The following TAFA2 variants were observed in gnomAD, a reference collection of about 807,000 sequenced individuals.
TAFA2 encodes chemokine-like protein TAFA-2.
In TAFA2, 7 loss-of-function variants were observed where a neutral mutation model predicts 18.8. The ratio of observed to expected loss-of-function variants is 0.37; its 90% CI spans 0.21 to 0.70. TAFA2 has a LOEUF of 0.70. Among genes scored for constraint, TAFA2 ranks in the 30% least tolerant of loss-of-function variants. The pLI, the probability that TAFA2 is intolerant of heterozygous loss-of-function variation, is 0.53. For missense variants in TAFA2, 122 were observed against 158.1 expected (o/e 0.77, Z 1.23); for synonymous variants, 60 against 54.2 (o/e 1.11, Z -0.47).
intron 1 of TAFA2, among the ~76,000 whole-genome samples, chr12:61,944,898 C>T (rs1164235672): frequency 2.0e-5 from 2 of 100,202 alleles, no homozygotes; most frequent in African/African-American, 8.6e-5. Context: ...TGGTACCATT[C>T]CTTCTGAAAC....
At chr12:61,875,961 A>G (rs1469685017) in intron 1 of TAFA2, among the ~76,000 whole-genome samples, 2 of 152,176 alleles carry the variant, frequency 1.3e-5, no homozygotes, top group African/African-American at 4.8e-5. Context: ...GAAAATTCCA[A>G]TTATATGTAG....
chr12:61,998,094 C>T (rs1319090522), intron 1 of TAFA2, among the ~76,000 whole-genome samples: 2 of 151,792 alleles, frequency 1.3e-5, no homozygotes, highest in African/African-American at 4.8e-5. Context: ...ATTAAAAAAT[C>T]ACAAGGAATT....
intron 1 of TAFA2, among the ~76,000 whole-genome samples, chr12:61,999,898 G>C (rs536803000): frequency 5.9e-5 from 9 of 152,298 alleles, no homozygotes; most frequent in African/African-American, 1.9e-4. Context: ...CTGTGGGAAA[G>C]AGGTAGCATC....
At chr12:62,171,748 TTA>T (rs1217347510) in intron 1 of TAFA2, among the ~76,000 whole-genome samples, 1 of 152,186 alleles carries the variant, frequency 6.6e-6, no homozygotes. Flanking sequence ...AGCTACCAGT[TTA>T]TGTTATTTTA....
At chr12:62,035,415 C>G (rs922591103) in intron 1 of TAFA2, among the ~76,000 whole-genome samples, 4 of 152,002 alleles carry the variant, frequency 2.6e-5, no homozygotes, top group African/African-American at 9.7e-5. Flanking sequence ...GCAATCTAAC[C>G]CAGTGGGAGA....
intron 1 of TAFA2, among the ~76,000 whole-genome samples, chr12:61,961,578 A>G (rs956861021): frequency 1.3e-5 from 2 of 151,942 alleles, no homozygotes; most frequent in African/African-American, 4.8e-5. Flanking sequence ...CCCTTATTTT[A>G]AGATTAAGAA....
At chr12:62,125,819 G>C (rs1592351932) in intron 1 of TAFA2, among the ~76,000 whole-genome samples, 1 of 152,082 alleles carries the variant, frequency 6.6e-6, no homozygotes, top group African/African-American at 2.4e-5. Flanking sequence ...CTTTTTGTTT[G>C]AGTCTTTCTT....
Position 62,021,885 on chromosome 12 carries a change from C to T in TAFA2, c.-1-154459G>A. The T allele has an allele frequency of 7.9e-6, 6 of 759,458 alleles. No homozygotes were observed. In the South Asian group the frequency reaches 8.1e-5, roughly 10 times the overall value. The allele number at this position is 759,458 out of a possible 1,614,324, so 47.0% of individuals were successfully genotyped here. ...TCCTCCGTCCTCGGAGTTTCCCAGA[C>T]ACCATGACCTCACAGCCTTTGGCCC... is the stretch of plus-strand genomic sequence containing the variant. On this transcript the variant is annotated intron_variant, in intron 1 of 4. Coordinates refer to ENST00000416284, the MANE Select transcript of TAFA2 (RefSeq NM_178539.5).
At chr12:61,856,891 G>A (rs181819812) in intron 2 of TAFA2, among the ~76,000 whole-genome samples, 2 of 151,556 alleles carry the variant, frequency 1.3e-5, no homozygotes, top group African/African-American at 4.8e-5. Context: ...AATATGGTAT[G>A]GTTAAATAAT....
chr12:61,898,181 A>G (rs1193494071), intron 1 of TAFA2, among the ~76,000 whole-genome samples: 1 of 152,204 alleles, frequency 6.6e-6, no homozygotes, highest in Non-Finnish European at 1.5e-5. Context: ...TTTGCAGGGT[A>G]CAGCCCCACC....
At chr12:62,104,074 G>A (rs1231182696) in intron 1 of TAFA2, among the ~76,000 whole-genome samples, 1 of 152,110 alleles carries the variant, frequency 6.6e-6, no homozygotes, top group African/African-American at 2.4e-5. Context: ...ACATTTTGCA[G>A]AATCCTACAA....
At chr12:62,093,360 A>T (rs11174309) in intron 1 of TAFA2, among the ~76,000 whole-genome samples, 28,255 of 151,994 alleles carry the variant, frequency 0.19, 2,880 homozygotes, top group East Asian at 0.39. Context: ...GATGGAAATG[A>T]AGATTTCAAA....
chr12:62,013,897 T>C (rs138614091), intron 1 of TAFA2, among the ~76,000 whole-genome samples: 2 of 152,222 alleles, frequency 1.3e-5, no homozygotes, highest in African/African-American at 2.4e-5. Context: ...TGGCAACAGG[T>C]TCTATCTTAC....
intron 1 of TAFA2, among the ~76,000 whole-genome samples, chr12:62,030,501 T>C (rs898014814): frequency 1.3e-5 from 2 of 152,022 alleles, no homozygotes; most frequent in Non-Finnish European, 2.9e-5. Context: ...AAGAGCATGA[T>C]CTGAAAACCA....
At chr12:61,983,351 T>G (rs1209358166) in intron 1 of TAFA2, among the ~76,000 whole-genome samples, 1 of 151,998 alleles carries the variant, frequency 6.6e-6, no homozygotes, top group Admixed American at 6.6e-5. Context: ...CAGGAAGGGG[T>G]GGAATTCTAG....
At chr12:61,886,228 T>C (rs1352061730) in intron 1 of TAFA2, among the ~76,000 whole-genome samples, 1 of 152,164 alleles carries the variant, frequency 6.6e-6, no homozygotes, top group Non-Finnish European at 1.5e-5. Context: ...CCTGACCCAT[T>C]ACCATGGGAG....
At chr12:61,780,343 A>C (rs1486148697) in intron 2 of TAFA2, among the ~76,000 whole-genome samples, 1 of 151,846 alleles carries the variant, frequency 6.6e-6, no homozygotes, top group African/African-American at 2.4e-5. Context: ...GCATGGAGGT[A>C]TAAAAAGAAA....
chr12:62,188,057 G>A (rs1049517665), intron 1 of TAFA2, among the ~76,000 whole-genome samples: 1 of 152,206 alleles, frequency 6.6e-6, no homozygotes, highest in Non-Finnish European at 1.5e-5. Flanking sequence ...GGCCAGATAT[G>A]AAGTTGATGC....
chr12:61,823,207 C>A (rs1478224675), intron 2 of TAFA2, among the ~76,000 whole-genome samples: 5 of 152,002 alleles, frequency 3.3e-5, no homozygotes, highest in Admixed American at 2.6e-4. Flanking sequence ...GGGTCTCACT[C>A]TGTTGTCCAG....
Sources: gnomAD v4.1 joint callset for allele counts (sites outside exome capture counted in the v4.1 genomes callset) on GRCh38, gnomAD v4.1.1 for gene constraint, MANE v1.5 for transcripts, NCBI Gene and HGNC (gene_info 2026-07-23, HGNC 2026-07-21) for gene names.